LRCH3: variants seen among roughly 807,000 people sequenced by gnomAD.
LRCH3 encodes leucine rich repeats and calponin homology domain containing 3, also known as DISP complex protein LRCH3.
LRCH3 carries 68 observed loss-of-function variants against 104.5 expected under a neutral mutation model. The ratio of observed to expected loss-of-function variants is 0.65; its 90% CI spans 0.54 to 0.80. LRCH3 has a LOEUF of 0.80. Among genes scored for constraint, LRCH3 ranks in the 30% least tolerant of loss-of-function variants. The pLI, the probability that LRCH3 is intolerant of heterozygous loss-of-function variation, is 0.00. For missense variants in LRCH3, 951 were observed against 953.9 expected, an observed-to-expected ratio of 1.00 and a Z score of 0.04; for synonymous variants, 344 against 361.3, an observed-to-expected ratio of 0.95 and a Z score of 0.54.
chr3:197,869,034 A>C (rs1257184212), intron 17 of LRCH3, among the ~76,000 whole-genome samples: 1 of 152,250 alleles, frequency 6.6e-6, no homozygotes, highest in Non-Finnish European at 1.5e-5. Flanking sequence ...CTGGGTAATG[A>C]ACATTACATA....
At chr3:197,802,621 G>GAAACCAT (rs1163288961) in intron 1 of LRCH3, among the ~76,000 whole-genome samples, 2 of 152,106 alleles carry the variant, frequency 1.3e-5, no homozygotes, top group African/African-American at 4.8e-5. Flanking sequence ...ATTCAGCAGT[G>GAAACCAT]AAACCATGGC....
At position 197,854,609 on chromosome 3, in the gene LRCH3, G is replaced by A. The variant is rs1194820198; in HGVS notation, c.1644+164G>A. Among the ~76,000 whole-genome samples the A allele has an allele frequency of 6.6e-6, 1 of 152,210 alleles. No individual in the cohort carries two copies. Among genetic ancestry groups the A allele is most frequent in the African/African-American group, 2.4e-5 (1 of 41,462 alleles). ...CATGACCATTTGTGATTGACCCAGT[G>A]TTTCAAAGTTCTGCAGCTCATATCT... On this transcript the variant is annotated intron_variant, in intron 14 of 20. Coordinates refer to ENST00000425562, the MANE Select transcript of LRCH3 (RefSeq NM_001365715.1). The surrounding 1 kb of genome is among the most constrained non-coding windows in gnomAD (Gnocchi z 4.5).
chr3:197,858,993 C>A, intron 15 of LRCH3, 88 bp downstream of exon 15: 1 of 919,124 alleles, frequency 1.1e-6, no homozygotes, highest in Non-Finnish European at 1.8e-6. Flanking sequence ...ATCTAACAAT[C>A]TGAAATATAG....
At chr3:197,796,838 A>G (rs897898630) in intron 1 of LRCH3, among the ~76,000 whole-genome samples, 31 of 152,180 alleles carry the variant, frequency 2.0e-4, no homozygotes, top group African/African-American at 7.5e-4. Context: ...GGTTTCCTGT[A>G]ATTTCTTTGG....
Position 197,815,046 on chromosome 3 carries a change from A to G in LRCH3, c.401A>G (p.Asn134Ser). 1 of 1,474,048 alleles carries G rather than the reference A, an allele frequency of 6.8e-7. No individual in the cohort carries two copies. The highest frequency in any genetic ancestry group is 9.2e-7 in the Non-Finnish European group (1 of 1,085,208). 91.3% of individuals were successfully genotyped at this position (1,474,048 alleles called of 1,614,324 possible). A position where few individuals can be genotyped will look rare whatever the true frequency, so the allele number is the denominator to read the frequency against. Residue 134 changes from asparagine to serine, a missense_variant, in exon 2 of 21, where the codon AAT (asparagine) becomes AGT (serine). Coordinates refer to ENST00000425562, the MANE Select transcript of LRCH3 (RefSeq NM_001365715.1). ...AACCTACAAGCTCTAACATTCTTAA[A>G]TATTAGGTAAGAATATTGTTTTCTT... ...ILNLQALTFL[N>S]ISRNQLSTLP... is the part of the protein sequence containing the mutation.
chr3:197,852,449 CAAG>C, intron 12 of LRCH3, 109 bp from the exon 13 acceptor site: 1 of 1,019,236 alleles, frequency 9.8e-7, no homozygotes, highest in Non-Finnish European at 1.5e-6. Flanking sequence ...ATGCTATAAA[CAAG>C]AGGTAAAAAA....
At chr3:197,792,554 G>GC (rs1560510955) in intron 1 of LRCH3, among the ~76,000 whole-genome samples, 2 of 39,710 alleles carry the variant, frequency 5.0e-5, no homozygotes, top group South Asian at 1.3e-3. Context: ...ACTACAGGCA[G>GC]CCGCCACCAC....
At position 197,795,537 on chromosome 3, in the gene LRCH3, G is replaced by A. The variant is rs114644882; in HGVS notation, c.262+3997G>A. ...TTAGCCTGGAAGTTACCAATAAGTG[G>A]GAAGCAGAGCCAAAAGATGGAAGTT... On this transcript the variant is annotated intron_variant, in intron 1 of 20. Transcript: ENST00000425562. 2.4e-3 allele frequency among the ~76,000 whole-genome samples: 366 copies of A among 152,130 alleles called. 2 individuals carry two copies. Among genetic ancestry groups the A allele is most frequent in the African/African-American group, 8.1e-3 (337 of 41,504 alleles).
Position 197,879,473 on chromosome 3 carries a change from C to T in LRCH3, c.2208+3698C>T, listed in dbSNP as rs576049392. Among the ~76,000 whole-genome samples the T allele has an allele frequency of 1.7e-3, 263 of 150,930 alleles. 1 individual carries two copies. Among genetic ancestry groups the T allele is most frequent in the Middle Eastern group, 3.4e-3 (1 of 294 alleles). ...CATCCTGGCTAACATGGTGAAACCC[C>T]GTCTCTACTAAAAATACAAAAAATT... On this transcript the variant is annotated intron_variant, in intron 20 of 20. Transcript: ENST00000425562.
At position 197,847,851 on chromosome 3, in the gene LRCH3, AC is replaced by A. The variant is rs781744601; in HGVS notation, c.1381-20del. On this transcript the variant is annotated intron_variant, in intron 11 of 20. Transcript: ENST00000425562. ...GATCCTCATTTTTACTTTTGTATGC[AC>A]AATAACGCTTTGGTTCCAGCTGTCA... 2.4e-5 allele frequency: 39 copies of A among 1,610,934 alleles called. No individual in the cohort carries two copies. The African/African-American group carries it at 4.8e-4, about 20-fold the overall frequency.
At chr3:197,879,469 A>AC (rs1203851095) in intron 20 of LRCH3, among the ~76,000 whole-genome samples, 2 of 150,944 alleles carry the variant, frequency 1.3e-5, no homozygotes, top group Non-Finnish European at 2.9e-5. Context: ...ACATGGTGAA[A>AC]CCCCGTCTCT....
Position 197,839,306 on chromosome 3 carries a change from T to A in LRCH3, c.1252-15T>A. 6.4e-7 allele frequency: 1 copy of A among 1,552,592 alleles called. No individual in the cohort carries two copies. Among genetic ancestry groups the A allele is most frequent in the African/African-American group, 1.4e-5 (1 of 72,290 alleles). On this transcript the variant is annotated splice_polypyrimidine_tract_variant and intron_variant, in intron 9 of 20. Coordinates refer to ENST00000425562, the MANE Select transcript of LRCH3 (RefSeq NM_001365715.1). The stretch of plus-strand genomic sequence containing the variant: ...TTAATATACTAAATTTATTTATTTC[T>A]GTCCTCTGGCCTAGGGTTCACCAGT...
chr3:197,879,947 ATT>A (rs1327149985), intron 20 of LRCH3, among the ~76,000 whole-genome samples: 16 of 123,272 alleles, frequency 1.3e-4, no homozygotes, highest in Admixed American at 2.4e-4. Flanking sequence ...TGTGTATTGT[ATT>A]TTTTTTTTTT....
intron 12 of LRCH3, chr3:197,848,510 T>C (rs1471662319): frequency 6.6e-6 from 1 of 152,550 alleles, no homozygotes; most frequent in African/African-American, 2.4e-5. Flanking sequence ...TTGCAGCCTC[T>C]ATAGTAGTGC....
chr3:197,817,154 C>A, intron 2 of LRCH3, 22 bp from the exon 3 acceptor site: 1 of 1,581,276 alleles, frequency 6.3e-7, no homozygotes, highest in Non-Finnish European at 8.6e-7. Context: ...TGATTCTTCT[C>A]TCTTTCTACT....
At chr3:197,829,066 G>A (rs1735594121) in intron 5 of LRCH3, among the ~76,000 whole-genome samples, 1 of 152,158 alleles carries the variant, frequency 6.6e-6, no homozygotes, top group African/African-American at 2.4e-5. Flanking sequence ...CCTAACAATA[G>A]AAGGGTCTTA....
intron 8 of LRCH3, among the ~76,000 whole-genome samples, chr3:197,835,279 G>A (rs1405451446): frequency 6.6e-6 from 1 of 151,968 alleles, no homozygotes; most frequent in South Asian, 2.1e-4. Flanking sequence ...TGTCTCCCGG[G>A]TTCAAGCAAT....
chr3:197,835,613 C>T (rs1736670945), intron 8 of LRCH3, 61 bp from the exon 9 acceptor site: 1 of 1,370,738 alleles, frequency 7.3e-7, no homozygotes, highest in Non-Finnish European at 9.6e-7. Context: ...TATTGGCTAT[C>T]TAATTTGAAT....
intron 1 of LRCH3, among the ~76,000 whole-genome samples, chr3:197,809,376 G>A (rs959879757): frequency 2.0e-5 from 3 of 151,992 alleles, no homozygotes; most frequent in Admixed American, 1.3e-4. Flanking sequence ...ATGTCTTTGG[G>A]TTTATCCTCT....
Sources: allele counts gnomAD v4.1 joint callset (sites outside exome capture counted in the v4.1 genomes callset), GRCh38; gene constraint gnomAD v4.1.1; non-coding constraint Gnocchi (gnomAD v3.1); transcripts MANE v1.5; gene names NCBI Gene and HGNC (gene_info 2026-07-23, HGNC 2026-07-21).